CTNND2: variants seen among roughly 807,000 people sequenced by gnomAD.
CTNND2 encodes the protein catenin delta 2, also known as catenin delta-2.
Under a neutral mutation model 144.4 loss-of-function variants are expected in CTNND2, and 22 were observed. The observed-to-expected ratio is 0.15, with a 90% CI of 0.11 to 0.22. CTNND2 has a LOEUF of 0.22. Among genes scored for constraint, CTNND2 ranks in the 10% least tolerant of loss-of-function variants. The probability of loss-of-function intolerance (pLI) is 1.00; values close to 1 mark genes in which losing one functional copy is unlikely to be tolerated. For synonymous variants in CTNND2, 751 were observed against 695.6 expected (o/e 1.08, Z -1.25); for missense variants, 1,353 against 1,618.8 (o/e 0.84, Z 2.82).
chr5:11,713,583 CAAAAAAAA>C (rs1165519277), intron 2 of CTNND2, among the ~76,000 whole-genome samples: 1 of 57,890 alleles, frequency 1.7e-5, no homozygotes, highest in Non-Finnish European at 3.6e-5. Flanking sequence ...GACTCCATCT[CAAAAAAAA>C]AAAAAAAAAA....
chr5:11,840,931 A>G (rs1319549399), intron 1 of CTNND2, among the ~76,000 whole-genome samples: 1 of 152,214 alleles, frequency 6.6e-6, no homozygotes, highest in Non-Finnish European at 1.5e-5. Flanking sequence ...GTAACATAAA[A>G]TATCTAAAAT....
intron 2 of CTNND2, among the ~76,000 whole-genome samples, chr5:11,607,367 T>G (rs151335824): frequency 1.3e-5 from 2 of 152,268 alleles, no homozygotes; most frequent in African/African-American, 4.8e-5. Context: ...TGGTATGGTC[T>G]CTGTATCTGA....
intron 16 of CTNND2, among the ~76,000 whole-genome samples, chr5:11,039,258 G>C (rs889428975): frequency 6.6e-6 from 1 of 152,168 alleles, no homozygotes; most frequent in African/African-American, 2.4e-5. Context: ...ACTGCTGTTT[G>C]CCCAGCATGA....
intron 16 of CTNND2, among the ~76,000 whole-genome samples, chr5:11,074,335 A>G (rs1168156680): frequency 6.6e-6 from 1 of 152,232 alleles, no homozygotes; most frequent in African/African-American, 2.4e-5. Flanking sequence ...CAGTTTCGCC[A>G]GCAGACAGTG....
intron 12 of CTNND2, among the ~76,000 whole-genome samples, chr5:11,147,119 G>A (rs1757315157): frequency 6.6e-6 from 1 of 152,160 alleles, no homozygotes; most frequent in Admixed American, 6.5e-5. Context: ...ATGTTGTTTT[G>A]GGGAAAGACA....
intron 9 of CTNND2, among the ~76,000 whole-genome samples, chr5:11,250,491 C>CTATATA (rs1285130441): frequency 0.017 from 1,088 of 64,032 alleles, 26 homozygotes; most frequent in African/African-American, 0.029. Context: ...CTCTCTCTCT[C>CTATATA]TATATATATA....
At chr5:11,736,109 T>C (rs2126752279) in intron 1 of CTNND2, among the ~76,000 whole-genome samples, 1 of 152,306 alleles carries the variant, frequency 6.6e-6, no homozygotes, top group Non-Finnish European at 1.5e-5. Context: ...TAATTCCTAT[T>C]TCAATGTCCT....
chr5:11,703,800 C>T (rs1042197030), intron 2 of CTNND2, among the ~76,000 whole-genome samples: 9 of 152,152 alleles, frequency 5.9e-5, no homozygotes, highest in East Asian at 1.9e-4. Context: ...CCAAATAATT[C>T]GATTTTGGAA....
At chr5:11,040,459 C>G (rs568552035) in intron 16 of CTNND2, among the ~76,000 whole-genome samples, 1 of 152,252 alleles carries the variant, frequency 6.6e-6, no homozygotes, top group South Asian at 2.1e-4. Context: ...AAATAAATAA[C>G]CTATTCCATC....
At chr5:11,194,378 T>C (rs568804815) in intron 11 of CTNND2, among the ~76,000 whole-genome samples, 35 of 152,296 alleles carry the variant, frequency 2.3e-4, no homozygotes, top group African/African-American at 8.4e-4. Context: ...TACTGTCCCC[T>C]TCCTCCAGGC....
chr5:11,245,458 G>A (rs1337576670), intron 9 of CTNND2, among the ~76,000 whole-genome samples: 3 of 152,100 alleles, frequency 2.0e-5, no homozygotes, highest in East Asian at 3.9e-4. Flanking sequence ...GAGACTGGAC[G>A]CAGAAGAGGG....
At chr5:11,884,803 A>G (rs574596407) in intron 1 of CTNND2, among the ~76,000 whole-genome samples, 1 of 152,326 alleles carries the variant, frequency 6.6e-6, no homozygotes. Context: ...GGTTTGTCAC[A>G]TACTGCCTTT....
chr5:11,626,286 G>A (rs1174819417), intron 2 of CTNND2, among the ~76,000 whole-genome samples: 2 of 152,118 alleles, frequency 1.3e-5, no homozygotes, highest in Non-Finnish European at 2.9e-5. Flanking sequence ...CATTGCATAT[G>A]TAAGGCTGAT....
intron 8 of CTNND2, among the ~76,000 whole-genome samples, chr5:11,359,313 T>C (rs1756210981): frequency 6.6e-6 from 1 of 152,192 alleles, no homozygotes; most frequent in African/African-American, 2.4e-5. Flanking sequence ...TGCCCAAATA[T>C]TAGGGGGATG....
intron 2 of CTNND2, among the ~76,000 whole-genome samples, chr5:11,713,344 G>T (rs1786142442): frequency 6.6e-6 from 1 of 152,058 alleles, no homozygotes; most frequent in South Asian, 2.1e-4. Flanking sequence ...ACTTTGGGAG[G>T]CTGAGGCAGG....
chr5:11,424,789 A>T (rs562079930), intron 3 of CTNND2, among the ~76,000 whole-genome samples: 37 of 152,270 alleles, frequency 2.4e-4, no homozygotes, highest in Middle Eastern at 6.8e-3. Context: ...AATTTTTTTT[A>T]AAAGATTGGG....
intron 3 of CTNND2, among the ~76,000 whole-genome samples, chr5:11,499,729 T>C (rs991530091): frequency 6.6e-6 from 1 of 152,160 alleles, no homozygotes; most frequent in Non-Finnish European, 1.5e-5. Flanking sequence ...TCTCAAAGTT[T>C]TTTTTACAGT....
At chr5:11,214,314 G>T (rs1006198340) in intron 10 of CTNND2, among the ~76,000 whole-genome samples, 12 of 152,094 alleles carry the variant, frequency 7.9e-5, no homozygotes, top group African/African-American at 2.7e-4. Context: ...TTTATTTACT[G>T]ATTTTCTAAT....
intron 16 of CTNND2, among the ~76,000 whole-genome samples, chr5:11,071,703 G>A (rs77081877): frequency 0.19 from 28,931 of 151,956 alleles, 3,342 homozygotes; most frequent in Middle Eastern, 0.29. Context: ...AGTGCAGACT[G>A]GGTAAGAAGG....
Sources: gnomAD v4.1 joint callset for allele counts (sites outside exome capture counted in the v4.1 genomes callset) on GRCh38, gnomAD v4.1.1 for gene constraint, MANE v1.5 for transcripts, NCBI Gene and HGNC (gene_info 2026-07-23, HGNC 2026-07-21) for gene names.